The following LSM11 variants were observed in gnomAD, a reference collection of about 807,000 sequenced individuals.
LSM11 encodes the protein LSM11, U7 small nuclear RNA associated, also known as U7 snRNA-associated Sm-like protein LSm11.
Under a neutral mutation model 28.1 loss-of-function variants are expected in LSM11, and 14 were observed. The ratio of observed to expected loss-of-function variants is 0.50; its 90% CI spans 0.33 to 0.78. LSM11 has a LOEUF of 0.78. LSM11 is among the 30% of genes least tolerant of loss of function. The probability of loss-of-function intolerance (pLI) is 0.02; values close to 1 mark genes in which losing one functional copy is unlikely to be tolerated. For missense variants in LSM11, 495 were observed against 510.6 expected (o/e 0.97, Z 0.30); for synonymous variants, 207 against 214.2 (o/e 0.97, Z 0.30).
intron 1 of LSM11, among the ~76,000 whole-genome samples, chr5:157,746,091 A>G (rs969913536): frequency 3.3e-5 from 5 of 152,208 alleles, no homozygotes; most frequent in African/African-American, 4.8e-5. Context: ...AGGGGGGAAA[A>G]AAAAGAACTA....
At chr5:157,745,386 A>G (rs900682292) in intron 1 of LSM11, among the ~76,000 whole-genome samples, 1 of 152,174 alleles carries the variant, frequency 6.6e-6, no homozygotes, top group African/African-American at 2.4e-5. Context: ...ATGTCTTACC[A>G]TGCCACAGCA....
rs1474172586 is a variant in LSM11 at position 157,758,613 on chromosome 5, G to A, written c.*3349G>A. 6.6e-6 allele frequency: 1 copy of A among 152,158 alleles called. No homozygotes were observed. Among genetic ancestry groups the A allele is most frequent in the Non-Finnish European group, 1.5e-5 (1 of 68,034 alleles). The allele number at this position is 152,158 out of a possible 1,614,324, so 9.4% of individuals were successfully genotyped here. ...CCACTAGCTCACCTGAGGGGGGCTC[G>A]ATGCAGCTGAAATACTGAATACTGA... is the stretch of plus-strand genomic sequence containing the variant. On this transcript the variant is annotated 3_prime_UTR_variant, in exon 4 of 4. Coordinates refer to ENST00000286307, the MANE Select transcript of LSM11 (RefSeq NM_173491.4).
chr5:157,747,522 C>G (rs1322193331), intron 1 of LSM11: 1 of 229,406 alleles, frequency 4.4e-6, no homozygotes, highest in Admixed American at 4.1e-5. Flanking sequence ...TCGCACACAT[C>G]CTGCTGAGAA....
At chr5:157,751,237 G>T (rs1475450227) in intron 1 of LSM11, among the ~76,000 whole-genome samples, 153 bp from the exon 2 acceptor site, 3 of 152,178 alleles carry the variant, frequency 2.0e-5, no homozygotes, top group African/African-American at 4.8e-5. Flanking sequence ...GGCCGTACGA[G>T]CCATGTTGCC....
At position 157,759,306 on chromosome 5, in the gene LSM11, G is replaced by A. The variant is rs1761376383; in HGVS notation, c.*4042G>A. 1 of 152,130 alleles carries A rather than the reference G, an allele frequency of 6.6e-6. No homozygotes were observed. The highest frequency in any genetic ancestry group is 1.5e-5 in the Non-Finnish European group (1 of 68,028). 9.4% of individuals were successfully genotyped at this position (152,130 alleles called of 1,614,324 possible). On this transcript the variant is annotated 3_prime_UTR_variant, in exon 4 of 4. Transcript: ENST00000286307. ...TCCTCAGAAGCCTTACAAAAATTGA[G>A]ATGTACCATTTCTACCCTTTGAGAA...
Position 157,755,635 on chromosome 5 carries a change from G to A in LSM11, c.*371G>A. ...AAAGTCTCAAAAAGAAGTATTGCAT[G>A]TCTAAAAGCTAGTGCCCTGAGTACT... is the stretch of plus-strand genomic sequence containing the variant. On this transcript the variant is annotated 3_prime_UTR_variant, in exon 4 of 4. Transcript: ENST00000286307. The A allele has an allele frequency of 2.3e-6, 1 of 428,972 alleles. No homozygotes were observed. The highest frequency in any genetic ancestry group is 4.1e-6 in the Non-Finnish European group (1 of 244,034). 26.6% of individuals were successfully genotyped at this position (428,972 alleles called of 1,614,324 possible).
At chr5:157,752,917 A>C (rs891135469) in intron 2 of LSM11, among the ~76,000 whole-genome samples, 1 of 151,606 alleles carries the variant, frequency 6.6e-6, no homozygotes, top group Non-Finnish European at 1.5e-5. Flanking sequence ...TCTATCTCCA[A>C]CTTTCCTTTT....
At chr5:157,744,791 T>C (rs988269050) in intron 1 of LSM11, among the ~76,000 whole-genome samples, 1 of 152,146 alleles carries the variant, frequency 6.6e-6, no homozygotes, top group Non-Finnish European at 1.5e-5. Flanking sequence ...CATAATCCCA[T>C]AACCCCTGTA....
chr5:157,753,352 G>A lies in LSM11; in HGVS notation c.589-652G>A, dbSNP rs146163810. ...AAGAATTGAAGAGAATGTGTTAGAT[G>A]ATAGTGGTGATTATAACAGTACTGT... is the stretch of plus-strand genomic sequence containing the variant. On this transcript the variant is annotated intron_variant, in intron 2 of 3. Transcript: ENST00000286307. Among the ~76,000 whole-genome samples the A allele has an allele frequency of 3.9e-3, 592 of 152,262 alleles. 3 individuals carry two copies. The highest frequency in any genetic ancestry group is 0.013 in the African/African-American group (546 of 41,538).
chr5:157,755,573 G>T lies in LSM11; in HGVS notation c.*309G>T. ...CCATTAGACTTAGGGGTCATGATAT[G>T]AGTGGAATTTACATTTTAGATACTA... On this transcript the variant is annotated 3_prime_UTR_variant, in exon 4 of 4. Coordinates refer to ENST00000286307, the MANE Select transcript of LSM11 (RefSeq NM_173491.4). The T allele has an allele frequency of 2.1e-6, 1 of 485,336 alleles. No homozygotes were observed. Among genetic ancestry groups the T allele is most frequent in the Non-Finnish European group, 3.6e-6 (1 of 278,132 alleles). The allele number at this position is 485,336 out of a possible 1,614,324, so 30.1% of individuals were successfully genotyped here.
In LSM11 at chr5:157,753,350, A is replaced by G. The variant is rs370563515; in HGVS notation, c.589-654A>G. 9.1e-4 allele frequency among the ~76,000 whole-genome samples: 139 copies of G among 152,290 alleles called. 2 individuals carry two copies. The South Asian group carries it at 0.021, about 23-fold the overall frequency. ...TGAAGAATTGAAGAGAATGTGTTAG[A>G]TGATAGTGGTGATTATAACAGTACT... On this transcript the variant is annotated intron_variant, in intron 2 of 3. Coordinates refer to ENST00000286307, the MANE Select transcript of LSM11 (RefSeq NM_173491.4).
At position 157,759,561 on chromosome 5, in the gene LSM11, A is replaced by G. The variant is rs1255082907; in HGVS notation, c.*4297A>G. ...CCAATCTTTTATGTATTTTTTGTGA[A>G]TGAAACTGTTGCTGTAGGAAAGTCA... On this transcript the variant is annotated 3_prime_UTR_variant, in exon 4 of 4. Transcript: ENST00000286307. The G allele has an allele frequency of 6.6e-6, 1 of 152,228 alleles. No homozygotes were observed. Among genetic ancestry groups the G allele is most frequent in the Non-Finnish European group, 1.5e-5 (1 of 68,030 alleles). 9.4% of individuals were successfully genotyped at this position (152,228 alleles called of 1,614,324 possible). A position where few individuals can be genotyped will look rare whatever the true frequency, so the allele number is the denominator to read the frequency against.
intron 1 of LSM11, among the ~76,000 whole-genome samples, chr5:157,746,190 C>A (rs963954548): frequency 6.6e-6 from 1 of 152,144 alleles, no homozygotes; most frequent in African/African-American, 2.4e-5. Flanking sequence ...TCAGGAAAAT[C>A]AAAATATAGA....
rs1477211125 is a variant in LSM11 at position 157,758,464 on chromosome 5, T to A, written c.*3200T>A. The A allele has an allele frequency of 6.6e-6, 1 of 152,162 alleles. No individual in the cohort carries two copies. Among genetic ancestry groups the A allele is most frequent in the Non-Finnish European group, 1.5e-5 (1 of 68,018 alleles). 9.4% of individuals were successfully genotyped at this position (152,162 alleles called of 1,614,324 possible). A position where few individuals can be genotyped will look rare whatever the true frequency, so the allele number is the denominator to read the frequency against. On this transcript the variant is annotated 3_prime_UTR_variant, in exon 4 of 4. Transcript: ENST00000286307. ...AGAAAGAAAAAGTAGGTCCCAATAATATATGTGCTATTCAAAAAATGTGAT... is the reference window on the plus strand; with the variant it reads ...AGAAAGAAAAAGTAGGTCCCAATAAAATATGTGCTATTCAAAAAATGTGAT...
intron 2 of LSM11, 88 bp from the exon 3 acceptor site, chr5:157,753,916 C>T: frequency 1.1e-6 from 1 of 928,436 alleles, no homozygotes; most frequent in Non-Finnish European, 1.5e-6. Flanking sequence ...ATAGATGTTA[C>T]TCTGCCTTTT....
At chr5:157,753,019 C>T (rs73309099) in intron 2 of LSM11, among the ~76,000 whole-genome samples, 3,937 of 152,160 alleles carry the variant, frequency 0.026, 162 homozygotes, top group African/African-American at 0.091. Context: ...AGGTACTATA[C>T]TGAGGGCTTC....
In LSM11 at chr5:157,754,996, G is replaced by T; in HGVS notation, c.815G>T (p.Arg272Leu). The T allele has an allele frequency of 6.2e-7, 1 of 1,614,154 alleles. No homozygotes were observed. Among genetic ancestry groups the T allele is most frequent in the Non-Finnish European group, 8.5e-7 (1 of 1,180,028 alleles). The change falls in exon 4 of 4, where the codon CGG (arginine) becomes CTG (leucine). Residue 272 changes from arginine (R) to leucine (L), a missense_variant. Physicochemically the swap from Arg to Leu is moderately radical, Grantham distance 102. Coordinates refer to ENST00000286307, the MANE Select transcript of LSM11 (RefSeq NM_173491.4). ...ASVWGRADTG[R>L]GSHKRSRSVP... ...GTGTGGGGAAGAGCAGACACTGGCC[G>T]GGGCTCACACAAGCGTTCCCGCTCT...
chr5:157,754,096 T>A lies in LSM11; in HGVS notation c.672+9T>A. The A allele has an allele frequency of 6.5e-7, 1 of 1,543,136 alleles. No homozygotes were observed. Among genetic ancestry groups the A allele is most frequent in the Non-Finnish European group, 8.7e-7 (1 of 1,146,068 alleles). ...CACTGACTCTCACTAGGGTAGGCAG[T>A]TTTCCCCTGACCTCCTGAGTAGCCA... On this transcript the variant is annotated intron_variant, in intron 3 of 3. Coordinates refer to ENST00000286307, the MANE Select transcript of LSM11 (RefSeq NM_173491.4).
chr5:157,754,850 A>G lies in LSM11; in HGVS notation c.673-4A>G, dbSNP rs1365064193. On this transcript the variant is annotated splice_region_variant and splice_polypyrimidine_tract_variant and intron_variant, in intron 3 of 3. Transcript: ENST00000286307. Reference sequence around the variant, plus strand: ...GCTAATATTTATCATTGTTTGCTTTATAGCTATTTGATCGGCTGAAACTTC... The same window carrying G: ...GCTAATATTTATCATTGTTTGCTTTGTAGCTATTTGATCGGCTGAAACTTC... The G allele has an allele frequency of 1.2e-6, 2 of 1,610,798 alleles. No homozygotes were observed. Among genetic ancestry groups the G allele is most frequent in the Admixed American group, 1.7e-5 (1 of 59,820 alleles).
Sources: allele counts gnomAD v4.1 joint callset (sites outside exome capture counted in the v4.1 genomes callset), GRCh38; gene constraint gnomAD v4.1.1; transcripts MANE v1.5; gene names NCBI Gene and HGNC (gene_info 2026-07-23, HGNC 2026-07-21).